CRISP1: variants seen among roughly 807,000 people sequenced by gnomAD.
CRISP1 encodes cysteine-rich secretory protein 1.
Under a neutral mutation model 33.1 loss-of-function variants are expected in CRISP1, and 44 were observed. The ratio of observed to expected loss-of-function variants is 1.33; its 90% CI spans 1.05 to 1.71. The LOEUF (loss-of-function observed/expected upper bound fraction) is 1.71. Among genes scored for constraint, CRISP1 ranks in the 40% most tolerant of loss-of-function variants. The pLI is 0.00. For synonymous variants in CRISP1, 103 were observed against 98.7 expected (o/e 1.04, Z -0.26); for missense variants, 390 against 301.2 (o/e 1.29, Z -2.18).
intron 3 of CRISP1, among the ~76,000 whole-genome samples, chr6:49,849,365 G>C (rs968928192): frequency 6.6e-6 from 1 of 152,170 alleles, no homozygotes; most frequent in Non-Finnish European, 1.5e-5. Context: ...GCTGCTGCCT[G>C]TTGACCAAAT....
In CRISP1 at chr6:49,835,474, A is replaced by T. The variant is rs768523564; in HGVS notation, c.623-31T>A. On this transcript the variant is annotated intron_variant, in intron 7 of 7. Coordinates refer to ENST00000335847, the MANE Select transcript of CRISP1 (RefSeq NM_001131.3). ...AGAAAATAGTATGGTTTTACAACAC[A>T]GTCTTTTAAAAATCGCATTTGCTGA... 5 of 1,601,184 alleles carry T rather than the reference A, an allele frequency of 3.1e-6. No individual in the cohort carries two copies. In the South Asian group the frequency reaches 5.6e-5, roughly 18 times the overall value.
chr6:49,868,610 G>A (rs1408539878), upstream of CRISP1, among the ~76,000 whole-genome samples: 6 of 152,140 alleles, frequency 3.9e-5, no homozygotes, highest in African/African-American at 1.4e-4. Context: ...AATCATATTT[G>A]TAAAATAATT....
intron 5 of CRISP1, among the ~76,000 whole-genome samples, chr6:49,844,997 G>T (rs964209135): frequency 1.3e-5 from 2 of 152,056 alleles, no homozygotes; most frequent in African/African-American, 4.8e-5. Flanking sequence ...GAGGGCTCTT[G>T]GGATGGAACG....
chr6:49,874,526 C>T (rs962174379), intron 1 of CRISP1, among the ~76,000 whole-genome samples: 4 of 152,052 alleles, frequency 2.6e-5, no homozygotes, highest in Middle Eastern at 3.4e-3. Context: ...TCAGTCCTTC[C>T]AGCCTGCCTT....
rs35289289 is a variant in CRISP1, at chr6:49,838,483, G to T, written c.576C>A (p.Gly192=). Reference sequence around the variant, plus strand: ...TACTTGGGCAGGCTTCACATGGGACGCCTGTCTTATAAGGTTCATTCTTTG... The same window carrying T: ...TACTTGGGCAGGCTTCACATGGGACTCCTGTCTTATAAGGTTCATTCTTTG... ...PETKNEPYKT[G]VPCEACPSNC... The change falls in exon 7 of 8, where the codon GGC becomes GGA. Residue 192 remains glycine (G), a synonymous_variant. Coordinates refer to ENST00000335847, the MANE Select transcript of CRISP1 (RefSeq NM_001131.3). 1 of 1,612,984 alleles carries T rather than the reference G, an allele frequency of 6.2e-7. No homozygotes were observed. The highest frequency in any genetic ancestry group is 8.5e-7 in the Non-Finnish European group (1 of 1,179,524).
At chr6:49,865,543 T>C (rs1030790042) in intron 1 of CRISP1, among the ~76,000 whole-genome samples, 1 of 152,198 alleles carries the variant, frequency 6.6e-6, no homozygotes, top group Non-Finnish European at 1.5e-5. Flanking sequence ...CATTGCATTA[T>C]ATGTAAAAGG....
rs760946845 is a variant in CRISP1, at chr6:49,848,289, T to TTC, written c.205_206insGA (p.Glu69GlyfsTer17). On this transcript the variant is annotated frameshift_variant, in exon 4 of 8. Coordinates refer to ENST00000335847, the MANE Select transcript of CRISP1 (RefSeq NM_001131.3). LOFTEE classifies it high-confidence loss of function. ...AATTCTGGCATTTTGTGCAGCCTCT[T>TTC]CACTCCAACTCTGTAGTGGAAAGAA... 6.3e-7 allele frequency: 1 copy of TTC among 1,595,140 alleles called. No homozygotes were observed. The highest frequency in any genetic ancestry group is 8.5e-7 in the Non-Finnish European group (1 of 1,170,554).
At chr6:49,852,202 T>C (rs1771369188) in intron 2 of CRISP1, 73 bp from the exon 3 acceptor site, 3 of 1,371,744 alleles carry the variant, frequency 2.2e-6, no homozygotes, top group Non-Finnish European at 3.0e-6. Flanking sequence ...TGCAGACCTA[T>C]AGGTAATGCA....
chr6:49,865,268 A>T (rs1771770369), intron 1 of CRISP1, among the ~76,000 whole-genome samples: 1 of 152,142 alleles, frequency 6.6e-6, no homozygotes, highest in African/African-American at 2.4e-5. Flanking sequence ...TATAAAAGAG[A>T]TGAGGTCAAT....
chr6:49,845,048 A>G (rs1282345843), intron 5 of CRISP1, among the ~76,000 whole-genome samples: 1 of 152,100 alleles, frequency 6.6e-6, no homozygotes, highest in Non-Finnish European at 1.5e-5. Context: ...TTTGTTGGGG[A>G]GGGGCAATGG....
At chr6:49,844,930 T>G (rs1582262750) in intron 5 of CRISP1, among the ~76,000 whole-genome samples, 1 of 151,884 alleles carries the variant, frequency 6.6e-6, no homozygotes, top group African/African-American at 2.4e-5. Context: ...AGATAATATT[T>G]AGGTAAGACT....
intron 1 of CRISP1, among the ~76,000 whole-genome samples, chr6:49,857,867 C>A (rs539030008): frequency 6.6e-6 from 1 of 152,144 alleles, no homozygotes; most frequent in Admixed American, 6.6e-5. Context: ...ATACTCCAAG[C>A]TAAGGAATAT....
intron 1 of CRISP1, among the ~76,000 whole-genome samples, chr6:49,861,798 T>C (rs1771661193): frequency 6.6e-6 from 1 of 151,778 alleles, no homozygotes; most frequent in African/African-American, 2.4e-5. Flanking sequence ...GGTGGGAGAA[T>C]CACTTGAACC....
chr6:49,862,760 A>T (rs982752353), intron 1 of CRISP1, among the ~76,000 whole-genome samples: 4 of 151,776 alleles, frequency 2.6e-5, no homozygotes, highest in South Asian at 2.1e-4. Flanking sequence ...CTTGAGGTCA[A>T]TGAATAGGTA....
At chr6:49,842,265 G>C (rs73737242) in intron 5 of CRISP1, among the ~76,000 whole-genome samples, 1 of 152,004 alleles carries the variant, frequency 6.6e-6, no homozygotes, top group Non-Finnish European at 1.5e-5. Flanking sequence ...AGTATTTTCC[G>C]TAAGAGACCC....
chr6:49,844,785 T>G (rs1314918609), intron 5 of CRISP1, among the ~76,000 whole-genome samples: 1 of 152,210 alleles, frequency 6.6e-6, no homozygotes, highest in African/African-American at 2.4e-5. Flanking sequence ...TTTCTCTCTT[T>G]CGAAATGAGA....
Position 49,834,471 on chromosome 6 carries a change from C to A in CRISP1, c.*845G>T, listed in dbSNP as rs1409595397. ...TTCCATTGTGTTGAAATAATCATAACCTTTGCAACCCTGTTTACTCAGAAG... is the reference window on the plus strand; with the variant it reads ...TTCCATTGTGTTGAAATAATCATAAACTTTGCAACCCTGTTTACTCAGAAG... On this transcript the variant is annotated 3_prime_UTR_variant, in exon 8 of 8. Transcript: ENST00000335847. 2 of 152,104 alleles carry A rather than the reference C, an allele frequency of 1.3e-5. No homozygotes were observed. Among genetic ancestry groups the A allele is most frequent in the Non-Finnish European group, 2.9e-5 (2 of 68,006 alleles). The allele number at this position is 152,104 out of a possible 1,614,324, so 9.4% of individuals were successfully genotyped here. A position where few individuals can be genotyped will look rare whatever the true frequency, so the allele number is the denominator to read the frequency against.
chr6:49,841,262 T>C (rs1049385663), intron 5 of CRISP1, among the ~76,000 whole-genome samples: 1 of 152,190 alleles, frequency 6.6e-6, no homozygotes, highest in Non-Finnish European at 1.5e-5. Flanking sequence ...ATTGTCTCTA[T>C]TTTTTGTCAG....
intron 4 of CRISP1, among the ~76,000 whole-genome samples, chr6:49,847,223 T>C (rs953374543): frequency 1.3e-5 from 2 of 152,096 alleles, no homozygotes; most frequent in East Asian, 1.9e-4. Flanking sequence ...TTTTAAAACA[T>C]GTTAATTAAA....
Sources: allele counts gnomAD v4.1 joint callset (sites outside exome capture counted in the v4.1 genomes callset), GRCh38; gene constraint gnomAD v4.1.1; transcripts MANE v1.5; gene names NCBI Gene and HGNC (gene_info 2026-07-23, HGNC 2026-07-21).